The following ASIC2 variants were observed in gnomAD, a reference collection of about 807,000 sequenced individuals.
The protein encoded by ASIC2 is acid sensing ion channel subunit 2.
ASIC2 carries 25 observed loss-of-function variants against 57.3 expected under a neutral mutation model. The observed-to-expected ratio is 0.44, with a 90% CI of 0.32 to 0.61. The LOEUF is 0.61. ASIC2 is among the 20% of genes least tolerant of loss of function. The pLI, the probability that ASIC2 is intolerant of heterozygous loss-of-function variation, is 0.06. For missense variants in ASIC2, 641 were observed against 738.1 expected (o/e 0.87, Z 1.52); for synonymous variants, 319 against 307.5 (o/e 1.04, Z -0.39).
intron 1 of ASIC2, among the ~76,000 whole-genome samples, chr17:33,148,874 A>G (rs1904669564): frequency 6.6e-6 from 1 of 152,208 alleles, no homozygotes; most frequent in African/African-American, 2.4e-5. Flanking sequence ...CAGGCGGATC[A>G]TCTGAGGTCA....
At chr17:33,456,922 G>A (rs979071378) in intron 1 of ASIC2, among the ~76,000 whole-genome samples, 1 of 152,182 alleles carries the variant, frequency 6.6e-6, no homozygotes, top group Non-Finnish European at 1.5e-5. Flanking sequence ...CCTAAATGTG[G>A]CAAAGTGTCT....
chr17:34,067,623 T>C (rs1233623672), intron 1 of ASIC2, among the ~76,000 whole-genome samples: 1 of 152,174 alleles, frequency 6.6e-6, no homozygotes, highest in Non-Finnish European at 1.5e-5. Flanking sequence ...CAAAATGCTG[T>C]TTATGATTTT....
intron 3 of ASIC2, among the ~76,000 whole-genome samples, chr17:33,060,016 T>C (rs1195128740): frequency 6.6e-6 from 1 of 152,232 alleles, no homozygotes; most frequent in East Asian, 1.9e-4. Context: ...TGTTTGTTTT[T>C]TTTCTTGTAA....
chr17:33,428,666 T>C (rs1289176604), intron 1 of ASIC2, among the ~76,000 whole-genome samples: 1 of 152,082 alleles, frequency 6.6e-6, no homozygotes, highest in African/African-American at 2.4e-5. Context: ...CTTTCCACAG[T>C]CCATAGCTTT....
At chr17:33,856,098 A>G (rs1385729678) in intron 1 of ASIC2, among the ~76,000 whole-genome samples, 1 of 152,186 alleles carries the variant, frequency 6.6e-6, no homozygotes, top group Non-Finnish European at 1.5e-5. Flanking sequence ...TGATACCACA[A>G]TAGAAGAGTG....
intron 1 of ASIC2, among the ~76,000 whole-genome samples, chr17:33,670,060 G>T (rs1597829046): frequency 6.6e-6 from 1 of 152,156 alleles, no homozygotes; most frequent in African/African-American, 2.4e-5. Context: ...TGCAGAAAGG[G>T]AGGCTGGACT....
At chr17:33,312,747 C>T (rs2142206893) in intron 1 of ASIC2, among the ~76,000 whole-genome samples, 1 of 152,226 alleles carries the variant, frequency 6.6e-6, no homozygotes, top group East Asian at 1.9e-4. Flanking sequence ...CCAGCCTGAC[C>T]AACATGGAGA....
intron 1 of ASIC2, among the ~76,000 whole-genome samples, chr17:33,855,117 G>A (rs1317909852): frequency 6.6e-6 from 1 of 152,182 alleles, no homozygotes; most frequent in Non-Finnish European, 1.5e-5. Context: ...AATTGTGCAG[G>A]CCAAGTTGCT....
At chr17:33,445,040 T>C (rs1333463792) in intron 1 of ASIC2, among the ~76,000 whole-genome samples, 1 of 152,200 alleles carries the variant, frequency 6.6e-6, no homozygotes, top group Non-Finnish European at 1.5e-5. Context: ...ATTTACTAAC[T>C]GGCCCTTTGC....
At chr17:33,356,145 G>C (rs1908364788) in intron 1 of ASIC2, among the ~76,000 whole-genome samples, 2 of 152,228 alleles carry the variant, frequency 1.3e-5, no homozygotes, top group South Asian at 4.1e-4. Flanking sequence ...AGGCAGGTGT[G>C]AAGGATAGGG....
intron 1 of ASIC2, among the ~76,000 whole-genome samples, chr17:34,125,733 C>A (rs1911760857): frequency 6.6e-6 from 1 of 152,140 alleles, no homozygotes; most frequent in Non-Finnish European, 1.5e-5. Context: ...TTGCCCACAG[C>A]CCCACAAGTA....
chr17:33,336,439 A>G (rs1024322318), intron 1 of ASIC2, among the ~76,000 whole-genome samples: 1 of 151,804 alleles, frequency 6.6e-6, no homozygotes, highest in Non-Finnish European at 1.5e-5. Context: ...AATTTTTGGC[A>G]CCCCTGAAAT....
chr17:33,425,344 T>C (rs1002973912), intron 1 of ASIC2, among the ~76,000 whole-genome samples: 25 of 152,230 alleles, frequency 1.6e-4, no homozygotes, highest in African/African-American at 5.1e-4. Context: ...CTCTGTCAGA[T>C]GCCAAAGCCA....
intron 1 of ASIC2, among the ~76,000 whole-genome samples, chr17:33,982,190 C>T (rs1055979038): frequency 2.0e-5 from 3 of 152,228 alleles, no homozygotes; most frequent in Non-Finnish European, 4.4e-5. Flanking sequence ...GCCGTAATTA[C>T]CACTAGGCTT....
chr17:33,875,537 G>A (rs1197618701), intron 1 of ASIC2, among the ~76,000 whole-genome samples: 1 of 152,152 alleles, frequency 6.6e-6, no homozygotes, highest in Admixed American at 6.5e-5. Context: ...GGGATTTTGT[G>A]TCTCCTTTAC....
chr17:33,095,855 C>A (rs1306717703), intron 2 of ASIC2, among the ~76,000 whole-genome samples: 2 of 152,234 alleles, frequency 1.3e-5, no homozygotes, highest in African/African-American at 4.8e-5. Context: ...GGGACCTGTT[C>A]ATTAAGGCCC....
intron 1 of ASIC2, among the ~76,000 whole-genome samples, chr17:33,776,972 C>T (rs1911299685): frequency 6.6e-6 from 1 of 152,190 alleles, no homozygotes; most frequent in Admixed American, 6.5e-5. Flanking sequence ...ACCGTGTGAC[C>T]CTGTGTCTCC....
intron 1 of ASIC2, among the ~76,000 whole-genome samples, chr17:33,466,922 AC>A (rs1912885212): frequency 6.6e-6 from 1 of 152,222 alleles, no homozygotes; most frequent in Admixed American, 6.5e-5. Flanking sequence ...ACCATTCAAG[AC>A]ATAGGCATGG....
intron 1 of ASIC2, among the ~76,000 whole-genome samples, chr17:34,152,799 G>T (rs915657485): frequency 6.6e-6 from 1 of 152,130 alleles, no homozygotes; most frequent in African/African-American, 2.4e-5. Flanking sequence ...TCTTAATCTT[G>T]CACTCACATT....
Sources: gnomAD v4.1 joint callset for allele counts (sites outside exome capture counted in the v4.1 genomes callset) on GRCh38, gnomAD v4.1.1 for gene constraint, MANE v1.5 for transcripts, NCBI Gene and HGNC (gene_info 2026-07-23, HGNC 2026-07-21) for gene names.